KIF25: variants seen among roughly 807,000 people sequenced by gnomAD.
KIF25 encodes kinesin family member 25, also known as kinesin-like protein KIF25.
In KIF25, 19 loss-of-function variants were observed where a neutral mutation model predicts 32.9. The ratio of observed to expected loss-of-function variants is 0.58; its 90% CI spans 0.40 to 0.85. The LOEUF (loss-of-function observed/expected upper bound fraction) is 0.85. KIF25 is among the 40% of genes least tolerant of loss of function. The probability of loss-of-function intolerance (pLI) is 0.00; values close to 1 mark genes in which losing one functional copy is unlikely to be tolerated. For synonymous variants in KIF25, 225 were observed against 213.7 expected, an observed-to-expected ratio of 1.05 and a Z score of -0.46; for missense variants, 485 against 507.0, an observed-to-expected ratio of 0.96 and a Z score of 0.42.
intron 4 of KIF25, among the ~76,000 whole-genome samples, chr6:168,005,441 G>T (rs183430460): frequency 6.6e-6 from 1 of 152,330 alleles, no homozygotes; most frequent in African/African-American, 2.4e-5. Context: ...AATGAGATGG[G>T]AGACAGAGGG....
chr6:168,028,434 A>G (rs1407264464), intron 5 of KIF25, among the ~76,000 whole-genome samples: 2 of 152,220 alleles, frequency 1.3e-5, no homozygotes, highest in African/African-American at 4.8e-5. Flanking sequence ...ATGGAGTTGT[A>G]TCTGTCTTCC....
At chr6:168,036,929 G>A (rs1195504774) in intron 8 of KIF25, among the ~76,000 whole-genome samples, 2 of 152,204 alleles carry the variant, frequency 1.3e-5, no homozygotes, top group Non-Finnish European at 2.9e-5. Context: ...TGGTGTGGTG[G>A]TGCATGCCTG....
At chr6:168,044,796 C>A in intron 12 of KIF25, 31 bp from the exon 13 acceptor site, 1 of 1,555,116 alleles carries the variant, frequency 6.4e-7, no homozygotes, top group South Asian at 1.2e-5. Context: ...GCTCTTCTTT[C>A]CAGCTTGCAT....
At chr6:168,041,894 T>C in intron 10 of KIF25, 75 bp from the exon 11 acceptor site, 2 of 1,455,648 alleles carry the variant, frequency 1.4e-6, no homozygotes, top group East Asian at 2.5e-5. Flanking sequence ...GCTTCTCGGC[T>C]CTGACTGAGG....
At chr6:168,017,034 C>T (rs1052156057) in intron 4 of KIF25, among the ~76,000 whole-genome samples, 1 of 152,274 alleles carries the variant, frequency 6.6e-6, no homozygotes, top group African/African-American at 2.4e-5. Context: ...ACATCGGAGA[C>T]CTCACAGAAT....
chr6:168,021,674 A>G (rs981440666), intron 5 of KIF25, among the ~76,000 whole-genome samples: 2 of 152,204 alleles, frequency 1.3e-5, no homozygotes, highest in Non-Finnish European at 2.9e-5. Context: ...AACCCATTAA[A>G]CACTGAATTG....
chr6:168,035,691 G>A (rs1020472556), intron 8 of KIF25: 12 of 455,756 alleles, frequency 2.6e-5, no homozygotes, highest in African/African-American at 2.4e-4. Context: ...TTCTAAAATG[G>A]TTTTTCCGTT....
intron 8 of KIF25, chr6:168,035,909 A>C (rs1799019172): frequency 2.5e-6 from 1 of 399,318 alleles, no homozygotes; most frequent in African/African-American, 2.0e-5. Context: ...CATCACATCC[A>C]CACACGACCT....
intron 5 of KIF25, among the ~76,000 whole-genome samples, chr6:168,028,240 G>A (rs1404733616): frequency 6.6e-6 from 1 of 152,052 alleles, no homozygotes; most frequent in Non-Finnish European, 1.5e-5. Context: ...ATATAGAGAT[G>A]GAGTTTTGCC....
In KIF25 at chr6:168,042,145, T is replaced by C; in HGVS notation, c.823T>C (p.Cys275Arg). 6.5e-7 allele frequency: 1 copy of C among 1,547,798 alleles called. No homozygotes were observed. The highest frequency in any genetic ancestry group is 8.7e-7 in the Non-Finnish European group (1 of 1,146,224). The change falls in exon 11 of 13, where the codon TGC becomes CGC. Residue 275 changes from cysteine (C) to arginine (R), a missense_variant. Around this residue, in one of 2 missense-constraint regions of KIF25, gnomAD observed 480 missense variants for 470.3 expected, o/e 1.02. Coordinates refer to ENST00000643607, the MANE Select transcript of KIF25 (RefSeq NM_030615.4). ...LQLVDSAGSE[C>R]VGVSGVTGLA... ...GCTCGTGGACTCGGCCGGCAGCGAG[T>C]GCGTTGGTGAGCAGGGGCAGGCATT... is the stretch of plus-strand genomic sequence containing the variant.
In KIF25 at chr6:168,005,591, C is replaced by T. The variant is rs115902177; in HGVS notation, c.-163+1888C>T. Among the ~76,000 whole-genome samples the T allele has an allele frequency of 5.5e-3, 832 of 152,260 alleles. 12 individuals are homozygous for T. The highest frequency in any genetic ancestry group is 0.019 in the African/African-American group (794 of 41,560). On this transcript the variant is annotated intron_variant, in intron 4 of 12. Transcript: ENST00000643607. Reference sequence around the variant, plus strand: ...AGAGTTTATTAGGTATTAACTCACACGATCACAAGGTCCCACAACAGCCAT... The same window carrying T: ...AGAGTTTATTAGGTATTAACTCACATGATCACAAGGTCCCACAACAGCCAT...
intron 4 of KIF25, among the ~76,000 whole-genome samples, chr6:168,016,128 C>T (rs561937959): frequency 1.9e-4 from 29 of 152,210 alleles, no homozygotes; most frequent in African/African-American, 2.2e-4. Flanking sequence ...CCTAGGCTGG[C>T]GGTTGGATTA....
intron 2 of KIF25, among the ~76,000 whole-genome samples, chr6:168,000,143 C>T (rs113563591): frequency 1.7e-5 from 2 of 116,696 alleles, no homozygotes. Flanking sequence ...ACCCTCCCCA[C>T]TCCCATCCTG....
At chr6:168,031,641 A>G (rs542649898) in intron 7 of KIF25, among the ~76,000 whole-genome samples, 2 of 152,298 alleles carry the variant, frequency 1.3e-5, no homozygotes, top group East Asian at 3.9e-4. Flanking sequence ...GGATTTTTAT[A>G]CCCATCTGAA....
intron 4 of KIF25, among the ~76,000 whole-genome samples, chr6:168,015,125 C>T (rs1281996400): frequency 6.6e-6 from 1 of 152,138 alleles, no homozygotes; most frequent in Non-Finnish European, 1.5e-5. Context: ...GTTCGCTGGG[C>T]CTTGAACCAC....
rs1183171232 is a variant in KIF25 at position 168,038,732 on chromosome 6, G to A, written c.494+3G>A. On this transcript the variant is annotated splice_donor_region_variant and intron_variant, in intron 9 of 12. Coordinates refer to ENST00000643607, the MANE Select transcript of KIF25 (RefSeq NM_030615.4). ...GAGGTTGCGCTGCTGGCCTCTGAGT[G>A]AGTACTGCACCTGCCCCGTGCTGCT... The A allele has an allele frequency of 6.2e-7, 1 of 1,612,910 alleles. No individual in the cohort carries two copies. Among genetic ancestry groups the A allele is most frequent in the Non-Finnish European group, 8.5e-7 (1 of 1,179,844 alleles).
rs535709086 is a variant in KIF25 at position 168,039,182 on chromosome 6, A to G, written c.494+453A>G. Among the ~76,000 whole-genome samples the G allele has an allele frequency of 2.6e-5, 4 of 152,348 alleles. No individual in the cohort carries two copies. The South Asian group carries it at 8.3e-4, about 32-fold the overall frequency. ...AATAAATAAATGTATCTTTAAAAAAACCTTCATAAGAGCCCCTCAGATGGG... is the reference window on the plus strand; with the variant it reads ...AATAAATAAATGTATCTTTAAAAAAGCCTTCATAAGAGCCCCTCAGATGGG... On this transcript the variant is annotated intron_variant, in intron 9 of 12. Transcript: ENST00000643607.
chr6:168,033,677 C>G (rs908824165), intron 7 of KIF25, among the ~76,000 whole-genome samples: 8 of 151,948 alleles, frequency 5.3e-5, no homozygotes, highest in African/African-American at 1.9e-4. Context: ...ACCGTTTAAT[C>G]CAATGTCGTA....
At chr6:168,019,188 G>A (rs944843237) in intron 5 of KIF25, among the ~76,000 whole-genome samples, 2 of 152,190 alleles carry the variant, frequency 1.3e-5, no homozygotes, top group African/African-American at 4.8e-5. Context: ...TGGGATTGGA[G>A]GGTCAAAACA....
Sources: allele counts gnomAD v4.1 joint callset (sites outside exome capture counted in the v4.1 genomes callset), GRCh38; gene constraint gnomAD v4.1.1; regional missense constraint gnomAD v4.1.1; transcripts MANE v1.5; gene names NCBI Gene and HGNC (gene_info 2026-07-23, HGNC 2026-07-21).